Variants in CELF2 observed in about 807,000 individuals in gnomAD.
The protein encoded by CELF2 is CUGBP Elav-like family member 2.
CELF2 carries 8 observed loss-of-function variants against 62.6 expected under a neutral mutation model. The ratio of observed to expected loss-of-function variants is 0.13; its 90% CI spans 0.07 to 0.23. The LOEUF is 0.23. CELF2 is among the 10% of genes least tolerant of loss of function. CELF2 has a pLI of 1.00. For synonymous variants in CELF2, 258 were observed against 250.0 expected (o/e 1.03, Z -0.30); for missense variants, 333 against 671.0 (o/e 0.50, Z 5.56).
intron 1 of CELF2, among the ~76,000 whole-genome samples, chr10:10,915,320 A>C (rs537983855): frequency 6.6e-6 from 1 of 152,242 alleles, no homozygotes; most frequent in South Asian, 2.1e-4. Flanking sequence ...ATGTCTATAC[A>C]CTCAAATTTA....
the CELF2 span, among the ~76,000 whole-genome samples, chr10:10,705,435 C>T: frequency 6.7e-6 from 1 of 149,736 alleles, no homozygotes; most frequent in Non-Finnish European, 1.5e-5. Flanking sequence ...AGAGCATTTG[C>T]ATTTAAATAT....
chr10:10,744,142 C>T, the CELF2 span, among the ~76,000 whole-genome samples: 4 of 152,112 alleles, frequency 2.6e-5, no homozygotes, highest in Non-Finnish European at 4.4e-5. Flanking sequence ...AAATCTCAAG[C>T]CCATGTATAC....
At chr10:11,323,388 C>T (rs2095546611) in intron 11 of CELF2, among the ~76,000 whole-genome samples, 1 of 148,880 alleles carries the variant, frequency 6.7e-6, no homozygotes, top group Non-Finnish European at 1.5e-5. Context: ...TTAAGTAAAA[C>T]ATAATTTTAA....
the CELF2 span, among the ~76,000 whole-genome samples, chr10:10,561,093 C>G: frequency 2.6e-5 from 4 of 152,024 alleles, no homozygotes; most frequent in Admixed American, 2.6e-4. Context: ...ATGGGTGCAC[C>G]AGGCTCTCAC....
chr10:10,584,867 T>C, the CELF2 span, among the ~76,000 whole-genome samples: 1 of 152,174 alleles, frequency 6.6e-6, no homozygotes, highest in Non-Finnish European at 1.5e-5. Flanking sequence ...TTAGTGTTAA[T>C]TTAAATTTAC....
At chr10:10,987,674 C>T (rs2052932405) in intron 2 of CELF2, among the ~76,000 whole-genome samples, 1 of 151,992 alleles carries the variant, frequency 6.6e-6, no homozygotes, top group African/African-American at 2.4e-5. Context: ...TACTATAACA[C>T]ATCACCTCAG....
chr10:11,033,835 G>T (rs2060531397), intron 1 of CELF2, among the ~76,000 whole-genome samples: 1 of 152,306 alleles, frequency 6.6e-6, no homozygotes, highest in African/African-American at 2.4e-5. Context: ...AGTTAAGTTG[G>T]ACAACTGAGG....
the CELF2 span, among the ~76,000 whole-genome samples, chr10:10,630,227 A>T: frequency 6.6e-6 from 1 of 152,156 alleles, no homozygotes; most frequent in African/African-American, 2.4e-5. Context: ...ATGTTTGTTC[A>T]GTTCACATTT....
chr10:11,165,723 G>A lies in CELF2; in HGVS notation c.271+41G>A. The A allele has an allele frequency of 6.4e-7, 1 of 1,557,282 alleles. No individual in the cohort carries two copies. Among genetic ancestry groups the A allele is most frequent in the Non-Finnish European group, 8.7e-7 (1 of 1,149,866 alleles). On this transcript the variant is annotated intron_variant, in intron 2 of 12. Coordinates refer to ENST00000633077, the MANE Select transcript of CELF2 (RefSeq NM_001326342.2). The surrounding 1 kb of genome is among the most constrained non-coding windows in gnomAD (Gnocchi z 7.4). ...CGGGGGTCGCCAGGCGTCCAGGTGG[G>A]CGTCGCGGGGCACTGGGGCTGTCCG...
At chr10:10,917,710 T>C (rs1163370591) in intron 1 of CELF2, among the ~76,000 whole-genome samples, 3 of 152,128 alleles carry the variant, frequency 2.0e-5, no homozygotes, top group Non-Finnish European at 2.9e-5. Context: ...GAGGACATGT[T>C]TGGGAGCTAC....
chr10:10,559,435 G>C, the CELF2 span, among the ~76,000 whole-genome samples: 2 of 152,172 alleles, frequency 1.3e-5, no homozygotes, highest in Admixed American at 6.5e-5. Flanking sequence ...CTGGATAATC[G>C]ATGTAAAGTG....
At chr10:11,140,090 A>C (rs1440891855) in intron 1 of CELF2, among the ~76,000 whole-genome samples, 1 of 152,180 alleles carries the variant, frequency 6.6e-6, no homozygotes, top group African/African-American at 2.4e-5. Flanking sequence ...CTTTTGAGAA[A>C]CTGCCTCTGC....
the CELF2 span, among the ~76,000 whole-genome samples, chr10:10,520,749 T>C: frequency 6.6e-6 from 1 of 152,030 alleles, no homozygotes; most frequent in African/African-American, 2.4e-5. Flanking sequence ...GTAGACCCGC[T>C]AATTAGTAGG....
At chr10:11,277,848 A>T (rs1450215118) in intron 8 of CELF2, among the ~76,000 whole-genome samples, 1 of 152,224 alleles carries the variant, frequency 6.6e-6, no homozygotes, top group Non-Finnish European at 1.5e-5. Flanking sequence ...ACTGTGTCCT[A>T]CGTAGAGGGG....
intron 2 of CELF2, among the ~76,000 whole-genome samples, chr10:11,186,103 T>G (rs1280752612): frequency 6.6e-6 from 1 of 152,218 alleles, no homozygotes; most frequent in African/African-American, 2.4e-5. Flanking sequence ...TGGTCAAGTT[T>G]ATTGTCATAA....
intron 2 of CELF2, among the ~76,000 whole-genome samples, chr10:10,970,059 GTATTTATT>G (rs762933697): frequency 1.3e-5 from 2 of 151,992 alleles, no homozygotes; most frequent in African/African-American, 4.8e-5. Flanking sequence ...TTTGTGTGAT[GTATTTATT>G]TATTTATTTA....
At chr10:10,873,593 G>A (rs191265804) in intron 1 of CELF2, among the ~76,000 whole-genome samples, 2 of 152,302 alleles carry the variant, frequency 1.3e-5, no homozygotes, top group Admixed American at 1.3e-4. Flanking sequence ...TCCTACCAAG[G>A]CTCTCCTATT....
chr10:10,970,432 G>A (rs925815125), intron 2 of CELF2, among the ~76,000 whole-genome samples: 12 of 152,150 alleles, frequency 7.9e-5, no homozygotes, highest in South Asian at 2.1e-4. Context: ...GAAACCCATC[G>A]AAAAGCTTTT....
chr10:11,121,521 G>A (rs2057734366), intron 1 of CELF2, among the ~76,000 whole-genome samples: 1 of 152,078 alleles, frequency 6.6e-6, no homozygotes, highest in Non-Finnish European at 1.5e-5. Flanking sequence ...CCTACTATGT[G>A]GTTGGTACCA....
Sources: gnomAD v4.1 joint callset for allele counts (sites outside exome capture counted in the v4.1 genomes callset) on GRCh38, gnomAD v4.1.1 for gene constraint, Gnocchi (gnomAD v3.1) non-coding constraint, MANE v1.5 for transcripts, NCBI Gene and HGNC (gene_info 2026-07-23, HGNC 2026-07-21) for gene names.